The following FRMD6 variants were observed in gnomAD, a reference collection of about 807,000 sequenced individuals.
FRMD6 encodes FERM domain containing 6.
A neutral mutation model predicts 73.2 loss-of-function variants in FRMD6; 37 were observed. The observed-to-expected ratio is 0.51, with a 90% CI of 0.39 to 0.66. The LOEUF (loss-of-function observed/expected upper bound fraction) is 0.66. Ranked by LOEUF, FRMD6 falls within the 30% of genes least tolerant of loss-of-function variation. FRMD6 has a pLI of 0.00. For synonymous variants in FRMD6, 273 were observed against 282.2 expected, an observed-to-expected ratio of 0.97 and a Z score of 0.33; for missense variants, 714 against 780.5, an observed-to-expected ratio of 0.91 and a Z score of 1.02.
intron 2 of FRMD6, among the ~76,000 whole-genome samples, chr14:51,635,530 T>A (rs113990881): frequency 2.6e-5 from 4 of 152,220 alleles, no homozygotes; most frequent in African/African-American, 9.7e-5. Context: ...TCCAATTTTT[T>A]AAAAAGTAGA....
chr14:51,647,479 C>G (rs994238087), upstream of FRMD6, among the ~76,000 whole-genome samples: 8 of 152,172 alleles, frequency 5.3e-5, no homozygotes, highest in Non-Finnish European at 1.0e-4. Context: ...CAGTGAAAAT[C>G]AGGACCATAA....
chr14:51,715,524 A>T, intron 10 of FRMD6, 25 bp downstream of exon 10: 1 of 1,555,808 alleles, frequency 6.4e-7, no homozygotes, highest in Non-Finnish European at 8.7e-7. Context: ...GGGGTGTGGA[A>T]GCAAATTGTA....
chr14:51,603,430 C>A (rs1383426955), intron 2 of FRMD6, among the ~76,000 whole-genome samples: 3 of 152,014 alleles, frequency 2.0e-5, no homozygotes, highest in South Asian at 2.1e-4. Context: ...TGGTGGATTG[C>A]AAGTGATTTT....
At chr14:51,645,576 A>G (rs1016575295) in intron 2 of FRMD6, among the ~76,000 whole-genome samples, 3 of 152,164 alleles carry the variant, frequency 2.0e-5, no homozygotes, top group African/African-American at 7.2e-5. Flanking sequence ...AGCTGGGACC[A>G]TAGCTGCAAG....
intron 1 of FRMD6, among the ~76,000 whole-genome samples, chr14:51,535,052 C>G (rs11157829): frequency 0.6 from 90,563 of 152,026 alleles, 29,510 homozygotes; most frequent in African/African-American, 0.86. Context: ...AGATATTTTG[C>G]AGTTTTCTCT....
chr14:51,509,575 T>C (rs1368355333), intron 1 of FRMD6, among the ~76,000 whole-genome samples: 1 of 151,254 alleles, frequency 6.6e-6, no homozygotes, highest in African/African-American at 2.4e-5. Flanking sequence ...AAAGTCACTC[T>C]AGCAGGACAA....
intron 1 of FRMD6, among the ~76,000 whole-genome samples, chr14:51,522,010 G>A (rs1368837093): frequency 6.6e-6 from 1 of 152,100 alleles, no homozygotes; most frequent in Non-Finnish European, 1.5e-5. Flanking sequence ...TGTGGGTATA[G>A]AATGAATTAC....
chr14:51,645,198 G>A (rs933860801), intron 2 of FRMD6, among the ~76,000 whole-genome samples: 1 of 152,200 alleles, frequency 6.6e-6, no homozygotes, highest in Non-Finnish European at 1.5e-5. Flanking sequence ...CAAAATGAAT[G>A]CAGATTTTGT....
chr14:51,599,096 A>C, intron 2 of FRMD6, among the ~76,000 whole-genome samples: 1 of 98,884 alleles, frequency 1.0e-5, no homozygotes, highest in Non-Finnish European at 1.9e-5. Context: ...AGTAATAGCC[A>C]TTCTGACTGG....
At chr14:51,626,858 C>T (rs1398912693) in intron 2 of FRMD6, among the ~76,000 whole-genome samples, 2 of 152,162 alleles carry the variant, frequency 1.3e-5, no homozygotes, top group Non-Finnish European at 2.9e-5. Context: ...TCTGGAACAT[C>T]ACAAGTACTC....
chr14:51,605,167 T>C (rs1355854214), intron 2 of FRMD6, among the ~76,000 whole-genome samples: 3 of 141,178 alleles, frequency 2.1e-5, no homozygotes, highest in Non-Finnish European at 3.1e-5. Context: ...TTATTGATCA[T>C]TCTTGGGTGT....
intron 1 of FRMD6, among the ~76,000 whole-genome samples, chr14:51,523,255 G>T (rs1047901446): frequency 6.6e-6 from 1 of 152,074 alleles, no homozygotes; most frequent in African/African-American, 2.4e-5. Context: ...AGTGCCTTGG[G>T]GAAATAGCTT....
chr14:51,685,342 A>G (rs750857305), intron 1 of FRMD6, among the ~76,000 whole-genome samples: 3 of 152,184 alleles, frequency 2.0e-5, no homozygotes, highest in Non-Finnish European at 4.4e-5. Flanking sequence ...TCCACACCAC[A>G]ACCATATCTC....
intron 1 of FRMD6, among the ~76,000 whole-genome samples, chr14:51,545,539 G>T (rs1156650676): frequency 6.6e-6 from 1 of 152,154 alleles, no homozygotes. Context: ...CAGGGTGGGA[G>T]TATTTACACC....
the FRMD6 span, among the ~76,000 whole-genome samples, chr14:51,450,045 T>C: frequency 0.48 from 72,910 of 152,086 alleles, 17,889 homozygotes; most frequent in East Asian, 0.67. Context: ...GAGATGTCTC[T>C]GTGCATGTGA....
the FRMD6 span, among the ~76,000 whole-genome samples, chr14:51,422,993 T>C: frequency 1.3e-5 from 2 of 152,224 alleles, no homozygotes; most frequent in Non-Finnish European, 2.9e-5. Flanking sequence ...GCTATTCGCA[T>C]CTTTCCTTTT....
At chr14:51,406,240 T>C in the FRMD6 span, among the ~76,000 whole-genome samples, 3 of 152,202 alleles carry the variant, frequency 2.0e-5, no homozygotes, top group African/African-American at 4.8e-5. Context: ...CCCTGTAGTA[T>C]AGTTTGATGT....
At chr14:51,486,094 G>A (rs536628630), upstream of FRMD6, among the ~76,000 whole-genome samples, 89 of 151,596 alleles carry the variant, frequency 5.9e-4, no homozygotes, top group Non-Finnish European at 1.1e-3. Flanking sequence ...GAGTGCAGTG[G>A]CGCGATTTCG....
rs1220097145 is a variant in FRMD6, at chr14:51,651,971, G to T, written c.-172G>T. On this transcript the variant is annotated 5_prime_UTR_variant, in exon 1 of 14. Transcript: ENST00000344768. ...CAGAGGGGTGACCAGAGAGCCCAAC[G>T]CCTGGTGCTCAAGACTTTCTCCGAG... The T allele has an allele frequency of 6.6e-6, 1 of 152,156 alleles. No homozygotes were observed. Among genetic ancestry groups the T allele is most frequent in the Non-Finnish European group, 1.5e-5 (1 of 68,064 alleles). 9.4% of individuals were successfully genotyped at this position (152,156 alleles called of 1,614,324 possible).
Sources: allele counts gnomAD v4.1 joint callset (sites outside exome capture counted in the v4.1 genomes callset), GRCh38; gene constraint gnomAD v4.1.1; transcripts MANE v1.5; gene names NCBI Gene and HGNC (gene_info 2026-07-23, HGNC 2026-07-21).